MEIKIN: variants seen among roughly 807,000 people sequenced by gnomAD.
MEIKIN encodes meiosis-specific kinetochore protein.
intron 5 of MEIKIN, among the ~76,000 whole-genome samples, chr5:131,922,753 TAA>T (rs1751525962): frequency 6.6e-6 from 1 of 152,198 alleles, no homozygotes; most frequent in Admixed American, 6.5e-5. Flanking sequence ...TATCATATAT[TAA>T]GTTAGATCAA....
chr5:131,912,589 T>C (rs1489894974), intron 7 of MEIKIN, among the ~76,000 whole-genome samples: 1 of 152,150 alleles, frequency 6.6e-6, no homozygotes, highest in African/African-American at 2.4e-5. Flanking sequence ...ATTTTCTAAA[T>C]TCCTACACTG....
chr5:131,842,721 T>C (rs1180830173), intron 11 of MEIKIN, among the ~76,000 whole-genome samples: 1 of 152,230 alleles, frequency 6.6e-6, no homozygotes, highest in East Asian at 1.9e-4. Context: ...GAACATTCTA[T>C]TTTAAGCTGA....
chr5:131,858,651 A>G (rs1458949315), intron 9 of MEIKIN, among the ~76,000 whole-genome samples: 5 of 152,236 alleles, frequency 3.3e-5, no homozygotes, highest in African/African-American at 9.6e-5. Flanking sequence ...CAGACAACCT[A>G]CAAAATGGGA....
At chr5:131,885,370 AGAGAGAG>A (rs1750771353) in intron 8 of MEIKIN, among the ~76,000 whole-genome samples, 3 of 49,178 alleles carry the variant, frequency 6.1e-5, no homozygotes, top group African/African-American at 1.8e-4. Flanking sequence ...AGAGAGAGAG[AGAGAGAG>A]AGAGAGAGAG....
intron 12 of MEIKIN, among the ~76,000 whole-genome samples, chr5:131,808,248 A>G (rs768102278): frequency 2.6e-5 from 4 of 152,204 alleles, no homozygotes; most frequent in Non-Finnish European, 5.9e-5. Flanking sequence ...AATGGTTCAC[A>G]GTCATCCTCT....
Position 131,872,720 on chromosome 5 carries a change from A to G in MEIKIN, c.774+6258T>C, listed in dbSNP as rs531977663. Among the ~76,000 whole-genome samples the G allele has an allele frequency of 5.3e-5, 8 of 152,360 alleles. No individual in the cohort carries two copies. The East Asian group carries it at 1.5e-3, about 29-fold the overall frequency. On this transcript the variant is annotated intron_variant, in intron 9 of 12. Transcript: ENST00000442687. ...GTCAGATTCACCAAGGGTGAAATGA[A>G]GGAAAAAATGTTAAGGGCAGCCAGA...
At chr5:131,916,272 C>A (rs1244741650) in intron 7 of MEIKIN, among the ~76,000 whole-genome samples, 1 of 152,156 alleles carries the variant, frequency 6.6e-6, no homozygotes, top group African/African-American at 2.4e-5. Flanking sequence ...AAGGACAATT[C>A]ACCCAAAAAA....
intron 8 of MEIKIN, among the ~76,000 whole-genome samples, chr5:131,887,854 A>G (rs868101199): frequency 4.5e-4 from 26 of 57,432 alleles, no homozygotes; most frequent in East Asian, 1.2e-3. Context: ...GCTATCCCTC[A>G]CCCCCTCCCC....
intron 11 of MEIKIN, among the ~76,000 whole-genome samples, chr5:131,826,267 G>A (rs1053916635): frequency 2.0e-5 from 3 of 150,812 alleles, no homozygotes; most frequent in African/African-American, 4.9e-5. Flanking sequence ...GATCTGAGAC[G>A]GTTGTCCTAA....
At chr5:131,905,911 A>C (rs1580900736) in intron 8 of MEIKIN, among the ~76,000 whole-genome samples, 1 of 152,314 alleles carries the variant, frequency 6.6e-6, no homozygotes, top group East Asian at 1.9e-4. Context: ...CTAAGACTCA[A>C]AACTATCAAA....
chr5:131,824,770 T>G (rs907947790), intron 11 of MEIKIN, among the ~76,000 whole-genome samples: 1 of 152,020 alleles, frequency 6.6e-6, no homozygotes, highest in Non-Finnish European at 1.5e-5. Flanking sequence ...ATAACTACCA[T>G]TCCAGAGAGA....
intron 12 of MEIKIN, among the ~76,000 whole-genome samples, chr5:131,813,547 C>T (rs568570474): frequency 1.1e-3 from 163 of 152,034 alleles, no homozygotes; most frequent in African/African-American, 3.7e-3. Context: ...CTGCCTCAGC[C>T]TCCTGAGTAG....
chr5:131,940,259 G>A (rs1011168475), intron 4 of MEIKIN, among the ~76,000 whole-genome samples: 1 of 152,182 alleles, frequency 6.6e-6, no homozygotes, highest in Non-Finnish European at 1.5e-5. Context: ...GGAAGAAGGA[G>A]AGAAAAGCAT....
intron 9 of MEIKIN, among the ~76,000 whole-genome samples, chr5:131,859,163 T>C (rs1396222531): frequency 6.6e-6 from 1 of 152,146 alleles, no homozygotes; most frequent in Non-Finnish European, 1.5e-5. Context: ...AGCAAAGACA[T>C]GGAATCAATC....
At chr5:131,890,866 T>A (rs935614896) in intron 8 of MEIKIN, among the ~76,000 whole-genome samples, 1 of 152,240 alleles carries the variant, frequency 6.6e-6, no homozygotes, top group Non-Finnish European at 1.5e-5. Context: ...TGCTATAAAT[T>A]TCCCTCTACA....
intron 8 of MEIKIN, among the ~76,000 whole-genome samples, chr5:131,892,210 C>T (rs1446969806): frequency 1.3e-5 from 2 of 152,082 alleles, no homozygotes; most frequent in Non-Finnish European, 2.9e-5. Context: ...TTGCTCTTCT[C>T]GAGGAGTATC....
intron 5 of MEIKIN, among the ~76,000 whole-genome samples, chr5:131,929,536 C>T (rs897022425): frequency 3.3e-5 from 5 of 151,872 alleles, no homozygotes; most frequent in Non-Finnish European, 4.4e-5. Context: ...ATTTTTCTTC[C>T]AATTTTTATT....
chr5:131,936,290 A>C (rs1045845699), intron 4 of MEIKIN, among the ~76,000 whole-genome samples: 1 of 152,258 alleles, frequency 6.6e-6, no homozygotes, highest in Non-Finnish European at 1.5e-5. Flanking sequence ...GCTTATAGCA[A>C]AAACTGCAAT....
At chr5:131,824,386 G>A (rs1427751359) in intron 11 of MEIKIN, among the ~76,000 whole-genome samples, 1 of 151,970 alleles carries the variant, frequency 6.6e-6, no homozygotes, top group African/African-American at 2.4e-5. Context: ...CAGGTGTGGT[G>A]GTCCACACCT....
Sources: gnomAD v4.1 joint callset for allele counts (sites outside exome capture counted in the v4.1 genomes callset) on GRCh38, gnomAD v4.1.1 for gene constraint, MANE v1.5 for transcripts, NCBI Gene and HGNC (gene_info 2026-07-23, HGNC 2026-07-21) for gene names.